Variants in FREM3 observed in about 807,000 individuals in gnomAD.
FREM3 encodes the protein FRAS1 related extracellular matrix 3, also known as FRAS1-related extracellular matrix protein 3.
FREM3 carries 105 observed loss-of-function variants against 129.1 expected under a neutral mutation model. The observed-to-expected ratio is 0.81, with a 90% CI of 0.69 to 0.96. FREM3 has a LOEUF of 0.96. FREM3 is among the 40% of genes least tolerant of loss of function. The pLI is 0.00. For missense variants in FREM3, 2,593 were observed against 2,666.3 expected, an observed-to-expected ratio of 0.97 and a Z score of 0.61; for synonymous variants, 1,014 against 1,044.9, an observed-to-expected ratio of 0.97 and a Z score of 0.57.
chr4:143,698,187 G>C lies in FREM3; in HGVS notation c.2489C>G (p.Pro830Arg). 6.5e-7 allele frequency: 1 copy of C among 1,537,434 alleles called. No individual in the cohort carries two copies. Among genetic ancestry groups the C allele is most frequent in the Non-Finnish European group, 8.7e-7 (1 of 1,146,942 alleles). The change falls in exon 1 of 8, where the codon CCA becomes CGA. Residue 830 changes from proline to arginine, a missense_variant. Around this residue, in one of 2 missense-constraint regions of FREM3, gnomAD observed 2,276 missense variants for 2,267.2 expected, o/e 1.00. Coordinates refer to ENST00000329798, the MANE Select transcript of FREM3 (RefSeq NM_001168235.2). ...LFLQPVDNQP[P>R]EVTNRGFAIL... ...AGCAAAGCCTCTGTTGGTGACTTCT[G>C]GGGGCTGGTTGTCCACAGGTTGCAG... is the stretch of plus-strand genomic sequence containing the variant.
chr4:143,698,142 A>G lies in FREM3; in HGVS notation c.2534T>C (p.Phe845Ser). The G allele has an allele frequency of 6.5e-7, 1 of 1,537,498 alleles. No homozygotes were observed. Among genetic ancestry groups the G allele is most frequent in the Non-Finnish European group, 8.7e-7 (1 of 1,146,966 alleles). ...RGFAILEGGS[F>S]NLSSNELHVT... is the part of the protein sequence containing the mutation. ...ATGCAGCTCATTACTGCTGAGGTTA[A>G]AGCTGCCTCCCTCTAAGATAGCAAA... Residue 845 changes from phenylalanine to serine, a missense_variant, in exon 1 of 8, where the codon TTT (phenylalanine) becomes TCT (serine). Coordinates refer to ENST00000329798, the MANE Select transcript of FREM3 (RefSeq NM_001168235.2).
chr4:143,618,031 T>TAAAC (rs1738880958), intron 5 of FREM3, among the ~76,000 whole-genome samples: 1 of 152,186 alleles, frequency 6.6e-6, no homozygotes, highest in Non-Finnish European at 1.5e-5. Context: ...GATGAGATGG[T>TAAAC]AAACAGCCCA....
At chr4:143,597,967 T>C (rs1738511308) in intron 6 of FREM3, among the ~76,000 whole-genome samples, 1 of 152,182 alleles carries the variant, frequency 6.6e-6, no homozygotes, top group Non-Finnish European at 1.5e-5. Context: ...TTCTAGTTCA[T>C]AGATGTTGCC....
At chr4:143,632,214 C>G (rs1461203643) in intron 2 of FREM3, among the ~76,000 whole-genome samples, 1 of 150,662 alleles carries the variant, frequency 6.6e-6, no homozygotes, top group Non-Finnish European at 1.5e-5. Flanking sequence ...TCAAAAAAAT[C>G]CTTGTTCTTG....
intron 2 of FREM3, among the ~76,000 whole-genome samples, chr4:143,664,131 A>G (rs1459936835): frequency 6.6e-6 from 1 of 152,100 alleles, no homozygotes; most frequent in Non-Finnish European, 1.5e-5. Context: ...CTGGTGAGGA[A>G]CTGCATTCCT....
At position 143,621,130 on chromosome 4, in the gene FREM3, T is replaced by C. The variant is rs1027689714; in HGVS notation, c.5686A>G (p.Lys1896Glu). The C allele has an allele frequency of 4.6e-6, 7 of 1,537,162 alleles. No individual in the cohort carries two copies. Among genetic ancestry groups the C allele is most frequent in the Non-Finnish European group, 6.1e-6 (7 of 1,146,810 alleles). Residue 1896 changes from lysine (K) to glutamate (E), a missense_variant, in exon 5 of 8, where the codon AAA becomes GAA. By Grantham distance (56) the Lys-to-Glu change is moderately conservative. Around this residue, in one of 2 missense-constraint regions of FREM3, gnomAD observed 317 missense variants for 399.0 expected, o/e 0.79. Coordinates refer to ENST00000329798, the MANE Select transcript of FREM3 (RefSeq NM_001168235.2). ...AGTTCCCCAATGTCCTCTTCTATTT[T>C]GTATTCCGCCTCTGGAATATAAACT... is the stretch of plus-strand genomic sequence containing the variant. ...STVYIPEAEY[K>E]IEEDIGELLI...
intron 2 of FREM3, among the ~76,000 whole-genome samples, chr4:143,686,221 C>T (rs1046749582): frequency 6.6e-5 from 10 of 152,136 alleles, no homozygotes; most frequent in East Asian, 1.9e-4. Flanking sequence ...CCGTTAGAAG[C>T]GACAAAGAGA....
At chr4:143,625,975 T>A (rs1162913981) in intron 3 of FREM3, among the ~76,000 whole-genome samples, 1 of 152,164 alleles carries the variant, frequency 6.6e-6, no homozygotes. Context: ...TGAACTCTTT[T>A]GAAAGTCACA....
At chr4:143,688,211 C>T (rs190263081) in intron 2 of FREM3, among the ~76,000 whole-genome samples, 45 of 152,282 alleles carry the variant, frequency 3.0e-4, no homozygotes, top group Non-Finnish European at 5.4e-4. Context: ...CTCTTCTATA[C>T]ACCAACAGCT....
intron 6 of FREM3, among the ~76,000 whole-genome samples, chr4:143,602,894 A>G (rs1560841117): frequency 6.6e-6 from 1 of 152,164 alleles, no homozygotes; most frequent in Non-Finnish European, 1.5e-5. Flanking sequence ...GACAAAAGGT[A>G]TTCTGACCTT....
chr4:143,578,283 A>G (rs950622991), intron 7 of FREM3, among the ~76,000 whole-genome samples: 4 of 150,520 alleles, frequency 2.7e-5, no homozygotes, highest in Non-Finnish European at 5.9e-5. Flanking sequence ...ATCTCACAAC[A>G]CTCTGCTCAA....
chr4:143,636,249 T>C (rs1739232122), intron 2 of FREM3, among the ~76,000 whole-genome samples: 2 of 145,818 alleles, frequency 1.4e-5, no homozygotes, highest in Non-Finnish European at 3.0e-5. Flanking sequence ...AACCTCATAC[T>C]GGGAAATGAG....
rs114884926 is a variant in FREM3, at chr4:143,624,844, C to A, written c.5423-506G>T. 9.1e-3 allele frequency among the ~76,000 whole-genome samples: 1,381 copies of A among 152,246 alleles called. 5 individuals carry two copies. Among genetic ancestry groups the A allele is most frequent in the Non-Finnish European group, 0.013 (907 of 68,022 alleles). ...AAATTTTTGAGTGAATATTTTGTAT[C>A]TGATAATTTCAATTTCTGCAGCCTT... On this transcript the variant is annotated intron_variant, in intron 3 of 7. Transcript: ENST00000329798.
intron 2 of FREM3, among the ~76,000 whole-genome samples, chr4:143,673,273 G>A (rs1320709877): frequency 3.3e-5 from 5 of 152,208 alleles, no homozygotes; most frequent in African/African-American, 7.2e-5. Flanking sequence ...GGGTTTTGGT[G>A]TGGATGTCCT....
chr4:143,677,419 A>G (rs1740157177), intron 2 of FREM3, among the ~76,000 whole-genome samples: 1 of 152,240 alleles, frequency 6.6e-6, no homozygotes, highest in South Asian at 2.1e-4. Context: ...CTTAAATGTT[A>G]AACCAAAAGC....
chr4:143,595,626 G>A (rs984241939), intron 6 of FREM3, among the ~76,000 whole-genome samples: 13 of 152,152 alleles, frequency 8.5e-5, no homozygotes, highest in Non-Finnish European at 1.9e-4. Context: ...CGTGGCTCTT[G>A]CCTGTAATCC....
At chr4:143,688,044 A>G (rs1347690508) in intron 2 of FREM3, among the ~76,000 whole-genome samples, 1 of 152,210 alleles carries the variant, frequency 6.6e-6, no homozygotes, top group Non-Finnish European at 1.5e-5. Context: ...AATAAAGGGC[A>G]TCCAAATCAG....
chr4:143,699,604 C>A lies in FREM3; in HGVS notation c.1072G>T (p.Gly358Trp). ...NAPTHPPGHP[G>W]QQGYVVSTDD... ...GTGCTGACCACGTAGCCCTGTTGCCCCGGGTGCCCTGGTGGGTGAGTGGGG... is the reference window on the plus strand; with the variant it reads ...GTGCTGACCACGTAGCCCTGTTGCCACGGGTGCCCTGGTGGGTGAGTGGGG... Residue 358 changes from glycine (G) to tryptophan (W), a missense_variant, in exon 1 of 8, where the codon GGG becomes TGG. Around this residue, in one of 2 missense-constraint regions of FREM3, gnomAD observed 2,276 missense variants for 2,267.2 expected, o/e 1.00. Coordinates refer to ENST00000329798, the MANE Select transcript of FREM3 (RefSeq NM_001168235.2). The surrounding 1 kb of genome is among the most constrained non-coding windows in gnomAD (Gnocchi z 4.2). 6.5e-7 allele frequency: 1 copy of A among 1,530,016 alleles called. No individual in the cohort carries two copies. Among genetic ancestry groups the A allele is most frequent in the South Asian group, 1.2e-5 (1 of 83,444 alleles). 94.8% of individuals were successfully genotyped at this position (1,530,016 alleles called of 1,614,324 possible).
At chr4:143,598,487 C>T (rs891475038) in intron 6 of FREM3, among the ~76,000 whole-genome samples, 2 of 152,090 alleles carry the variant, frequency 1.3e-5, no homozygotes, top group Non-Finnish European at 2.9e-5. Context: ...TGCTCAGTGA[C>T]AGGTGACACA....
Sources: gnomAD v4.1 joint callset for allele counts (sites outside exome capture counted in the v4.1 genomes callset) on GRCh38, gnomAD v4.1.1 for gene constraint, gnomAD v4.1.1 regional missense constraint, Gnocchi (gnomAD v3.1) non-coding constraint, MANE v1.5 for transcripts, NCBI Gene and HGNC (gene_info 2026-07-23, HGNC 2026-07-21) for gene names.